The following CEP128 variants were observed in gnomAD, a reference collection of about 807,000 sequenced individuals.
The protein encoded by CEP128 is centrosomal protein 128.
Under a neutral mutation model 156.7 loss-of-function variants are expected in CEP128, and 132 were observed. The observed-to-expected ratio is 0.84, with a 90% CI of 0.73 to 0.97. The LOEUF is 0.97. Ranked by LOEUF, CEP128 falls within the 50% of genes least tolerant of loss-of-function variation. The pLI is 0.00. For missense variants in CEP128, 1,252 were observed against 1,281.9 expected (o/e 0.98, Z 0.36); for synonymous variants, 469 against 448.9 (o/e 1.04, Z -0.57).
intron 19 of CEP128, among the ~76,000 whole-genome samples, chr14:80,720,664 T>C (rs1363826565): frequency 6.6e-6 from 1 of 152,236 alleles, no homozygotes; most frequent in African/African-American, 2.4e-5. Context: ...ACTTCCTGTG[T>C]AGCTAATAAA....
chr14:80,564,460 T>C (rs978898461), intron 20 of CEP128, among the ~76,000 whole-genome samples: 5 of 152,226 alleles, frequency 3.3e-5, no homozygotes, highest in Non-Finnish European at 5.9e-5. Flanking sequence ...GCCTAAAGCA[T>C]GTATACAATA....
At chr14:80,809,048 C>T (rs1884353939) in intron 13 of CEP128, among the ~76,000 whole-genome samples, 1 of 152,038 alleles carries the variant, frequency 6.6e-6, no homozygotes, top group African/African-American at 2.4e-5. Flanking sequence ...ATTCTGAAAA[C>T]ACAATTCAAA....
intron 19 of CEP128, among the ~76,000 whole-genome samples, chr14:80,613,964 C>A (rs1008637987): frequency 6.6e-6 from 1 of 151,828 alleles, no homozygotes; most frequent in African/African-American, 2.4e-5. Context: ...AAGATAAATA[C>A]CATTTAATAA....
chr14:80,644,175 T>C (rs1484844055), intron 19 of CEP128, among the ~76,000 whole-genome samples: 6 of 152,202 alleles, frequency 3.9e-5, no homozygotes, highest in African/African-American at 4.8e-5. Flanking sequence ...AGAGCAAGCA[T>C]GGTCCTGCCA....
intron 19 of CEP128, among the ~76,000 whole-genome samples, chr14:80,661,127 G>T (rs1895383761): frequency 6.6e-6 from 1 of 152,122 alleles, no homozygotes; most frequent in Non-Finnish European, 1.5e-5. Flanking sequence ...GCTACTCAAT[G>T]AAATAGAAAT....
At chr14:80,612,405 G>A (rs745430599) in intron 19 of CEP128, among the ~76,000 whole-genome samples, 7 of 152,142 alleles carry the variant, frequency 4.6e-5, no homozygotes, top group Admixed American at 1.3e-4. Context: ...TACAATGACC[G>A]TGTTAATCTG....
intron 2 of CEP128, among the ~76,000 whole-genome samples, chr14:80,929,811 C>A (rs1179983153): frequency 2.0e-5 from 3 of 152,154 alleles, no homozygotes; most frequent in African/African-American, 7.2e-5. Flanking sequence ...CCAGACTTCA[C>A]CACTATACGA....
chr14:80,624,230 C>T (rs1893612042), intron 19 of CEP128, among the ~76,000 whole-genome samples: 1 of 152,160 alleles, frequency 6.6e-6, no homozygotes, highest in African/African-American at 2.4e-5. Context: ...CTAGGCTCAT[C>T]CATGTTGCCA....
At chr14:80,926,425 G>A (rs1376175650) in intron 2 of CEP128, among the ~76,000 whole-genome samples, 7 of 152,120 alleles carry the variant, frequency 4.6e-5, no homozygotes, top group Non-Finnish European at 1.5e-5. Context: ...AGCAGACGTA[G>A]CTGTGCTCCT....
At chr14:80,684,017 C>CT (rs1896426186) in intron 19 of CEP128, among the ~76,000 whole-genome samples, 1 of 152,046 alleles carries the variant, frequency 6.6e-6, no homozygotes, top group Non-Finnish European at 1.5e-5. Flanking sequence ...AATTAACAAT[C>CT]TCACTTCACA....
At chr14:80,514,751 A>G in intron 23 of CEP128, 1 of 295,998 alleles carries the variant, frequency 3.4e-6, no homozygotes, top group African/African-American at 2.2e-5. Context: ...GTGAGGGCAT[A>G]TTTTCATGGA....
At chr14:80,638,642 C>G (rs764574850) in intron 19 of CEP128, among the ~76,000 whole-genome samples, 4 of 152,148 alleles carry the variant, frequency 2.6e-5, no homozygotes, top group Non-Finnish European at 5.9e-5. Context: ...GTCTTTTACC[C>G]TTCTACAATG....
chr14:80,920,309 A>G (rs1048751324), intron 2 of CEP128, among the ~76,000 whole-genome samples: 1 of 152,176 alleles, frequency 6.6e-6, no homozygotes, highest in African/African-American at 2.4e-5. Flanking sequence ...TGATGGAGAG[A>G]GAAACAGATG....
chr14:80,738,531 CCCT>C (rs1440517117), intron 19 of CEP128, among the ~76,000 whole-genome samples: 2 of 152,012 alleles, frequency 1.3e-5, no homozygotes, highest in Non-Finnish European at 2.9e-5. Flanking sequence ...GTAGTCTCCC[CCCT>C]ATTTTTAGAT....
At chr14:80,486,523 C>A (rs4606643), downstream of CEP128, among the ~76,000 whole-genome samples, 151,644 of 151,646 alleles carry the variant, frequency 1, 75,821 homozygotes, top group Non-Finnish European at 1. Context: ...AGAGAACGCC[C>A]CAAAGATACT....
At chr14:80,683,012 CACAA>C (rs1202362493) in intron 19 of CEP128, among the ~76,000 whole-genome samples, 15 of 152,102 alleles carry the variant, frequency 9.9e-5, no homozygotes, top group African/African-American at 2.7e-4. Flanking sequence ...CACGTACACA[CACAA>C]ACACACTCAC....
chr14:80,670,641 G>C (rs985504384), intron 19 of CEP128, among the ~76,000 whole-genome samples: 1 of 152,042 alleles, frequency 6.6e-6, no homozygotes, highest in African/African-American at 2.4e-5. Flanking sequence ...AGTGTGAGGG[G>C]GGTGAGAGAT....
chr14:80,905,812 C>G (rs1463443566), intron 5 of CEP128, 143 bp downstream of exon 5: 3 of 702,216 alleles, frequency 4.3e-6, no homozygotes, highest in African/African-American at 3.7e-5. Context: ...AAAGCATGTA[C>G]TATAAAATCC....
intron 19 of CEP128, among the ~76,000 whole-genome samples, chr14:80,619,580 T>C (rs1024731019): frequency 4.6e-5 from 7 of 151,194 alleles, no homozygotes; most frequent in African/African-American, 1.5e-4. Flanking sequence ...TGGGTGCCTA[T>C]AGTCCCAGCT....
Sources: allele counts gnomAD v4.1 joint callset (sites outside exome capture counted in the v4.1 genomes callset), GRCh38; gene constraint gnomAD v4.1.1; transcripts MANE v1.5; gene names NCBI Gene and HGNC (gene_info 2026-07-23, HGNC 2026-07-21).